The following THOC6 variants were observed in gnomAD, a reference collection of about 807,000 sequenced individuals.
THOC6 encodes THO complex subunit 6.
A neutral mutation model predicts 55.8 loss-of-function variants in THOC6; 39 were observed. The observed-to-expected ratio is 0.70, with a 90% CI of 0.54 to 0.91. THOC6 has a LOEUF of 0.91. THOC6 is among the 40% of genes least tolerant of loss of function. The pLI is 0.00. For missense variants in THOC6, 482 were observed against 442.0 expected (o/e 1.09, Z -0.81); for synonymous variants, 192 against 175.6 (o/e 1.09, Z -0.74).
rs527988237 is a variant in THOC6 at position 3,025,866 on chromosome 16, C to T, written c.155+43C>T. 15 of 1,614,148 alleles carry T rather than the reference C, an allele frequency of 9.3e-6. No individual in the cohort carries two copies. The East Asian group carries it at 2.9e-4, about 31-fold the overall frequency. ...CCACCCATTAGCCCTGGCACTTGGC[C>T]CTCATGGGACGGATGCCCCCGTTTC... is the stretch of plus-strand genomic sequence containing the variant. On this transcript the variant is annotated intron_variant, in intron 2 of 12. Coordinates refer to ENST00000326266, the MANE Select transcript of THOC6 (RefSeq NM_024339.5).
rs752294318 is a variant in THOC6 at position 3,026,501 on chromosome 16, C to A, written c.412-15C>A. On this transcript the variant is annotated splice_polypyrimidine_tract_variant and intron_variant, in intron 6 of 12. Transcript: ENST00000326266. ...ATTTGACATTGACTTTCTGCCTCATCCTGCTCCTCCACAGGAGAATTCCCT... is the reference window on the plus strand; with the variant it reads ...ATTTGACATTGACTTTCTGCCTCATACTGCTCCTCCACAGGAGAATTCCCT... 1.9e-6 allele frequency: 3 copies of A among 1,614,042 alleles called. No individual in the cohort carries two copies. In the African/African-American group the frequency reaches 4.0e-5, roughly 22 times the overall value.
Position 3,026,274 on chromosome 16 carries a change from T to C in THOC6, c.348T>C (p.Arg116=), listed in dbSNP as rs773342096. The change falls in exon 5 of 13, where the codon CGT becomes CGC. Residue 116 remains arginine (R), a synonymous_variant. Coordinates refer to ENST00000326266, the MANE Select transcript of THOC6 (RefSeq NM_024339.5). The part of the protein sequence containing the change: ...LKKGCKELWR[R]QPPYRTSLEV... The stretch of plus-strand genomic sequence containing the variant: ...AGGGCTGTAAGGAGCTGTGGCGTCG[T>C]CAGCCTCCATACAGGTGAGCAGGGC... The C allele has an allele frequency of 5.6e-6, 9 of 1,614,082 alleles. No homozygotes were observed. The South Asian group carries it at 9.9e-5, about 18-fold the overall frequency.
At position 3,027,393 on chromosome 16, in the gene THOC6, G is replaced by A. The variant is rs201943448; in HGVS notation, c.838G>A (p.Val280Ile). The change falls in exon 12 of 13, where the codon GTC (valine) becomes ATC (isoleucine). Residue 280 changes from valine to isoleucine, a missense_variant. Transcript: ENST00000326266. ...TCTGTCAGCTGGCCAGGGCCGCTGC[G>A]TCAACCAGTGGCAGCTGAGCGGGGA... ...LILSAGQGRC[V>I]NQWQLSGELK... is the part of the protein sequence containing the mutation. 172 of 1,612,728 alleles carry A rather than the reference G, an allele frequency of 1.1e-4. No homozygotes were observed. The highest frequency in any genetic ancestry group is 1.3e-4 in the Non-Finnish European group (157 of 1,179,472).
In THOC6 at chr16:3,026,579, A is replaced by G. The variant is rs1295958522; in HGVS notation, c.475A>G (p.Thr159Ala). ...QLHTMDLETG[T>A]FTRVLRGHTD... ...GCACACTATGGACCTTGAAACTGGG[A>G]CTTTCACGGTGAGCAGGGTCCTGGA... is the stretch of plus-strand genomic sequence containing the variant. Residue 159 changes from threonine (T) to alanine (A), a missense_variant, in exon 7 of 13, where the codon ACT becomes GCT. Thr to Ala is a moderately conservative substitution (Grantham distance 58). Transcript: ENST00000326266. 2 of 1,613,848 alleles carry G rather than the reference A, an allele frequency of 1.2e-6. No homozygotes were observed. The highest frequency in any genetic ancestry group is 1.7e-6 in the Non-Finnish European group (2 of 1,179,938).
rs1158654770 is a variant in THOC6 at position 3,027,710 on chromosome 16, T to A, written c.*53T>A. The A allele has an allele frequency of 4.9e-4, 22 of 45,246 alleles. No homozygotes were observed. The highest frequency in any genetic ancestry group is 6.8e-4 in the Non-Finnish European group (19 of 27,970). The allele number at this position is 45,246 out of a possible 1,614,324, so 2.8% of individuals were successfully genotyped here. A position where few individuals can be genotyped will look rare whatever the true frequency, so the allele number is the denominator to read the frequency against. On this transcript the variant is annotated 3_prime_UTR_variant, in exon 13 of 13. Coordinates refer to ENST00000326266, the MANE Select transcript of THOC6 (RefSeq NM_024339.5). ...GGGTTTTAGAGTGTTTTTCATTTTCTTTTTTTTTTTTTTTTTACAATAAAG... is the reference window on the plus strand; with the variant it reads ...GGGTTTTAGAGTGTTTTTCATTTTCATTTTTTTTTTTTTTTTACAATAAAG...
Position 3,024,169 on chromosome 16 carries a change from C to A in THOC6, c.-158C>A. On this transcript the variant is annotated 5_prime_UTR_variant, in exon 1 of 13. Coordinates refer to ENST00000326266, the MANE Select transcript of THOC6 (RefSeq NM_024339.5). ...ACCACTTCTTAATGTCGGGGGTCTT[C>A]GCGGCGCTCACCTCGGCTCCTAGGG... The A allele has an allele frequency of 1.1e-6, 1 of 879,584 alleles. No individual in the cohort carries two copies. The highest frequency in any genetic ancestry group is 1.8e-6 in the Non-Finnish European group (1 of 564,912). The allele number at this position is 879,584 out of a possible 1,614,324, so 54.5% of individuals were successfully genotyped here. A position where few individuals can be genotyped will look rare whatever the true frequency, so the allele number is the denominator to read the frequency against.
chr16:3,024,342 C>G lies in THOC6; in HGVS notation c.16C>G (p.Pro6Ala), dbSNP rs748537509. 11 of 1,614,084 alleles carry G rather than the reference C, an allele frequency of 6.8e-6. No individual in the cohort carries two copies. Among genetic ancestry groups the G allele is most frequent in the South Asian group, 1.1e-5 (1 of 91,090 alleles). ...AGTTCTGGAGATGGAGCGAGCTGTG[C>G]CGCTCGCGGTGCCTCTGGGTCAGGT... MERAV[P>A]LAVPLGQTEV... Residue 6 changes from proline to alanine, a missense_variant, in exon 1 of 13, where the codon CCG becomes GCG. Physicochemically the swap from Pro to Ala is conservative, Grantham distance 27 (BLOSUM62 -1). Coordinates refer to ENST00000326266, the MANE Select transcript of THOC6 (RefSeq NM_024339.5).
At position 3,026,427 on chromosome 16, in the gene THOC6, G is replaced by A; in HGVS notation, c.411+14G>A. ...CTGGTCCCCAAGGTCTGAGCCCCAT[G>A]TGACTGTTCTTGGTCCAAACTTTGA... On this transcript the variant is annotated intron_variant, in intron 6 of 12. Coordinates refer to ENST00000326266, the MANE Select transcript of THOC6 (RefSeq NM_024339.5). 6.2e-7 allele frequency: 1 copy of A among 1,614,140 alleles called. No homozygotes were observed.
intron 1 of THOC6, 59 bp from the exon 2 acceptor site, chr16:3,025,649 A>C (rs2151134449): frequency 1.3e-6 from 2 of 1,499,620 alleles, no homozygotes; most frequent in Non-Finnish European, 1.9e-6. Flanking sequence ...GCAGGGAGGA[A>C]TCTGTGGATG....
At chr16:3,025,625 A>G in intron 1 of THOC6, 83 bp from the exon 2 acceptor site, 1 of 1,320,888 alleles carries the variant, frequency 7.6e-7, no homozygotes, top group Non-Finnish European at 1.1e-6. Context: ...GAGGCCTGGC[A>G]GGTTTTGGGG....
At chr16:3,026,987 T>G in intron 9 of THOC6, 24 bp from the exon 10 acceptor site, 3 of 1,614,112 alleles carry the variant, frequency 1.9e-6, no homozygotes, top group Non-Finnish European at 2.5e-6. Flanking sequence ...TTCACCTCTT[T>G]CCCTCCTCCC....
Position 3,027,242 on chromosome 16 carries a change from C to T in THOC6, c.772C>T (p.Arg258Trp), listed in dbSNP as rs772524171. ...CACACCCACCACCATCTTCCCCATC[C>T]GGGCGCCACAGAAGCACGTCACCTT... ...SSTPTTIFPIRAPQKHVTFYQ... is the reference protein window; with the variant it reads ...SSTPTTIFPIWAPQKHVTFYQ... The change falls in exon 11 of 13, where the codon CGG becomes TGG. Residue 258 changes from arginine to tryptophan, a missense_variant. By Grantham distance (101) the Arg-to-Trp change is moderately radical (BLOSUM62 -3). Transcript: ENST00000326266. 17 of 1,614,092 alleles carry T rather than the reference C, an allele frequency of 1.1e-5. No homozygotes were observed. The highest frequency in any genetic ancestry group is 4.0e-5 in the African/African-American group (3 of 74,954).
Position 3,026,389 on chromosome 16 carries a change from C to G in THOC6, c.387C>G (p.Ile129Met). The G allele has an allele frequency of 6.2e-7, 1 of 1,614,074 alleles. No homozygotes were observed. Among genetic ancestry groups the G allele is most frequent in the Non-Finnish European group, 8.5e-7 (1 of 1,180,034 alleles). Residue 129 changes from isoleucine (I) to methionine (M), a missense_variant, in exon 6 of 13, where the codon ATC (isoleucine) becomes ATG (methionine). By Grantham distance (10) the Ile-to-Met change is conservative. Coordinates refer to ENST00000326266, the MANE Select transcript of THOC6 (RefSeq NM_024339.5). ...GGACCAGCCTGGAAGTGCCTGAGAT[C>G]AACGCTTTGCTGCTGGTCCCCAAGG... Reference protein sequence around the residue: ...PYRTSLEVPEINALLLVPKEN... With the variant: ...PYRTSLEVPEMNALLLVPKEN...
In THOC6 at chr16:3,026,696, C is replaced by T; in HGVS notation, c.501C>T (p.His167=). ...TGTFTRVLRG[H]TDYIHCLALR... is the part of the protein sequence containing the mutation. ...ACATGCAGAGGGTCCTCCGGGGCCACACAGACTACATCCACTGCCTGGCAC... is the reference window on the plus strand; with the variant it reads ...ACATGCAGAGGGTCCTCCGGGGCCATACAGACTACATCCACTGCCTGGCAC... The change falls in exon 8 of 13, where the codon CAC becomes CAT. Residue 167 remains histidine, a synonymous_variant. Coordinates refer to ENST00000326266, the MANE Select transcript of THOC6 (RefSeq NM_024339.5). 1.2e-6 allele frequency: 2 copies of T among 1,613,384 alleles called. No homozygotes were observed. Among genetic ancestry groups the T allele is most frequent in the South Asian group, 2.2e-5 (2 of 90,976 alleles).
At position 3,024,108 on chromosome 16, in the gene THOC6, G is replaced by C. The variant is rs1055227480; in HGVS notation, c.-219G>C. ...GAAGGCAGGCTTGCTCCTCGGGGTG[G>C]GGGAGGGTATCCGGCTTAAGGGGGC... On this transcript the variant is annotated 5_prime_UTR_variant, in exon 1 of 13. Transcript: ENST00000326266. 5 of 713,736 alleles carry C rather than the reference G, an allele frequency of 7.0e-6. No individual in the cohort carries two copies. Among genetic ancestry groups the C allele is most frequent in the African/African-American group, 5.3e-5 (3 of 56,114 alleles). The allele number at this position is 713,736 out of a possible 1,614,324, so 44.2% of individuals were successfully genotyped here.
intron 1 of THOC6, among the ~76,000 whole-genome samples, chr16:3,025,091 C>T (rs557965213): frequency 1.1e-4 from 16 of 151,710 alleles, no homozygotes; most frequent in African/African-American, 3.6e-4. Context: ...TACAGGCATG[C>T]GCCACCACTC....
chr16:3,027,554 A>G (rs773121499), intron 12 of THOC6, 23 bp from the exon 13 acceptor site: 1 of 1,613,318 alleles, frequency 6.2e-7, no homozygotes, highest in South Asian at 1.1e-5. Context: ...TGGGCAGGCC[A>G]GTCATGCCCC....
Position 3,027,183 on chromosome 16 carries a change from G to C in THOC6, c.713G>C (p.Gly238Ala). Residue 238 changes from glycine to alanine, a missense_variant, in exon 11 of 13, where the codon GGC becomes GCC. Coordinates refer to ENST00000326266, the MANE Select transcript of THOC6 (RefSeq NM_024339.5). ...TDSDWMVCGG[G>A]PALTLWHLRS... The stretch of plus-strand genomic sequence containing the variant: ...CTTTCTGTCCAGGTCTGTGGAGGGG[G>C]CCCAGCCCTCACCCTCTGGCACCTC... 6.2e-7 allele frequency: 1 copy of C among 1,614,068 alleles called. No homozygotes were observed. The highest frequency in any genetic ancestry group is 2.2e-5 in the East Asian group (1 of 44,888).
At chr16:3,024,409 C>T (rs748341378) in intron 1 of THOC6, 44 bp downstream of exon 1, 19 of 1,612,414 alleles carry the variant, frequency 1.2e-5, no homozygotes, top group Admixed American at 5.0e-5. Flanking sequence ...GTTTGTAGTT[C>T]ACGCATGGCT....
Sources: gnomAD v4.1 joint callset for allele counts (sites outside exome capture counted in the v4.1 genomes callset) on GRCh38, gnomAD v4.1.1 for gene constraint, MANE v1.5 for transcripts, NCBI Gene and HGNC (gene_info 2026-07-23, HGNC 2026-07-21) for gene names.